CNTNAP2: variants seen among roughly 807,000 people sequenced by gnomAD.
The protein encoded by CNTNAP2 is contactin-associated protein-like 2.
CNTNAP2 carries 98 observed loss-of-function variants against 155.2 expected under a neutral mutation model. The observed-to-expected ratio is 0.63, with a 90% CI of 0.54 to 0.75. CNTNAP2 has a LOEUF of 0.75. Ranked by LOEUF, CNTNAP2 falls within the 30% of genes least tolerant of loss-of-function variation. CNTNAP2 has a pLI of 0.00. For synonymous variants in CNTNAP2, 651 were observed against 631.2 expected (o/e 1.03, Z -0.47); for missense variants, 1,727 against 1,688.1 (o/e 1.02, Z -0.40).
chr7:147,536,713 C>G (rs557167556), intron 11 of CNTNAP2, among the ~76,000 whole-genome samples: 2 of 152,282 alleles, frequency 1.3e-5, no homozygotes, highest in East Asian at 3.9e-4. Flanking sequence ...GCAGCGTTCT[C>G]TGACTTCCTA....
intron 1 of CNTNAP2, among the ~76,000 whole-genome samples, chr7:146,391,753 G>A (rs547120221): frequency 9.5e-6 from 1 of 105,326 alleles, no homozygotes; most frequent in African/African-American, 5.2e-5. Flanking sequence ...CACGGTTTTT[G>A]TTGTTGTTGT....
intron 1 of CNTNAP2, among the ~76,000 whole-genome samples, chr7:146,568,247 A>G (rs1379513594): frequency 2.6e-5 from 4 of 152,202 alleles, no homozygotes; most frequent in Non-Finnish European, 5.9e-5. Context: ...TACGTAATCT[A>G]CTATTAAAAG....
At chr7:146,879,396 A>G (rs1249190727) in intron 3 of CNTNAP2, among the ~76,000 whole-genome samples, 1 of 152,238 alleles carries the variant, frequency 6.6e-6, no homozygotes, top group African/African-American at 2.4e-5. Context: ...TTAATGTTAC[A>G]TTTGATAAGC....
rs188241244 is a variant in CNTNAP2 at position 148,313,474 on chromosome 7, G to A, written c.3475+46348G>A. On this transcript the variant is annotated intron_variant, in intron 21 of 23. Coordinates refer to ENST00000361727, the MANE Select transcript of CNTNAP2 (RefSeq NM_014141.6). ...GGCTTAGGAGGAATCCTGGGCTGCG[G>A]GCATTCCTTGGCCCAGTGGCCAGAT... Among the ~76,000 whole-genome samples, 27 of 152,180 alleles carry A rather than the reference G, an allele frequency of 1.8e-4. No individual in the cohort carries two copies. In the East Asian group the frequency reaches 4.8e-3, roughly 27 times the overall value.
At chr7:147,788,227 C>T (rs1469312607) in intron 13 of CNTNAP2, among the ~76,000 whole-genome samples, 1 of 152,176 alleles carries the variant, frequency 6.6e-6, no homozygotes, top group Non-Finnish European at 1.5e-5. Flanking sequence ...GTATAGATTG[C>T]TCTCAAGTTG....
At chr7:147,314,135 A>G (rs1398303591) in intron 9 of CNTNAP2, among the ~76,000 whole-genome samples, 3 of 152,128 alleles carry the variant, frequency 2.0e-5, no homozygotes, top group African/African-American at 7.2e-5. Flanking sequence ...CTTTGCTGAG[A>G]TAAGAAATTT....
chr7:148,104,412 TA>T (rs1804167069), intron 15 of CNTNAP2, among the ~76,000 whole-genome samples: 1 of 152,210 alleles, frequency 6.6e-6, no homozygotes, highest in African/African-American at 2.4e-5. Context: ...GGATTTGATA[TA>T]AAACCTGTTT....
intron 15 of CNTNAP2, among the ~76,000 whole-genome samples, chr7:148,083,613 T>C (rs1017857758): frequency 1.3e-5 from 2 of 152,188 alleles, no homozygotes; most frequent in Admixed American, 6.5e-5. Flanking sequence ...CTGCATACCT[T>C]TCCTTTTATG....
Position 147,407,034 on chromosome 7 carries a change from T to C in CNTNAP2, c.1670+11254T>C, listed in dbSNP as rs561498455. ...ACAGGCTTCATCAACAAGAAACTTATCTTCATGAACACACTTCAGTGAAGA... is the reference window on the plus strand; with the variant it reads ...ACAGGCTTCATCAACAAGAAACTTACCTTCATGAACACACTTCAGTGAAGA... On this transcript the variant is annotated intron_variant, in intron 10 of 23. Coordinates refer to ENST00000361727, the MANE Select transcript of CNTNAP2 (RefSeq NM_014141.6). Among the ~76,000 whole-genome samples the C allele has an allele frequency of 4.6e-5, 7 of 152,340 alleles. No homozygotes were observed. The East Asian group carries it at 7.7e-4, about 17-fold the overall frequency.
chr7:147,608,865 A>G (rs1046760810), intron 12 of CNTNAP2, among the ~76,000 whole-genome samples: 57 of 152,160 alleles, frequency 3.7e-4, no homozygotes, highest in African/African-American at 1.3e-3. Flanking sequence ...TAGGTAGTGG[A>G]AAATTACAGT....
Position 147,121,013 on chromosome 7 carries a change from A to C in CNTNAP2, c.789A>C (p.Thr263=). The part of the protein sequence containing the change: ...SNQLGPIYGH[T]SVMTGSLLDD... ...AGCTTGGCCCCATATATGGCCACACATCAGTGATGACAGGAAGTTTGCTGG... is the reference window on the plus strand; with the variant it reads ...AGCTTGGCCCCATATATGGCCACACCTCAGTGATGACAGGAAGTTTGCTGG... The change falls in exon 6 of 24, where the codon ACA becomes ACC. Residue 263 remains threonine (T), a synonymous_variant. Coordinates refer to ENST00000361727, the MANE Select transcript of CNTNAP2 (RefSeq NM_014141.6). 3.7e-6 allele frequency: 6 copies of C among 1,613,938 alleles called. No individual in the cohort carries two copies. Among genetic ancestry groups the C allele is most frequent in the Non-Finnish European group, 5.1e-6 (6 of 1,179,992 alleles).
intron 1 of CNTNAP2, among the ~76,000 whole-genome samples, chr7:146,325,869 TATG>T (rs1322024164): frequency 6.6e-6 from 1 of 152,174 alleles, no homozygotes; most frequent in African/African-American, 2.4e-5. Flanking sequence ...TATGACATGA[TATG>T]ATGACATCAG....
chr7:147,203,998 A>C (rs1802972087), intron 8 of CNTNAP2, among the ~76,000 whole-genome samples: 1 of 152,108 alleles, frequency 6.6e-6, no homozygotes, highest in African/African-American at 2.4e-5. Context: ...TAGAAAATTA[A>C]AAAGAAAGGT....
intron 9 of CNTNAP2, among the ~76,000 whole-genome samples, chr7:147,353,223 C>T (rs371310825): frequency 7.9e-5 from 12 of 151,198 alleles, no homozygotes; most frequent in Admixed American, 2.0e-4. Context: ...TAGGTATACA[C>T]GTGCCATGGT....
chr7:148,379,661 T>C lies in CNTNAP2; in HGVS notation c.3476-3988T>C, dbSNP rs867694972. On this transcript the variant is annotated intron_variant, in intron 21 of 23. Coordinates refer to ENST00000361727, the MANE Select transcript of CNTNAP2 (RefSeq NM_014141.6). ...CCGGGAGGTTGAGGCTGCAGTGAGC[T>C]GAGATTGTGCCTTGCACTCCAGCCT... Among the ~76,000 whole-genome samples, 11 of 152,260 alleles carry C rather than the reference T, an allele frequency of 7.2e-5. No individual in the cohort carries two copies. In the South Asian group the frequency reaches 1.9e-3, roughly 26 times the overall value.
At chr7:147,150,601 GA>G (rs1801805712) in intron 8 of CNTNAP2, among the ~76,000 whole-genome samples, 1 of 152,102 alleles carries the variant, frequency 6.6e-6, no homozygotes, top group African/African-American at 2.4e-5. Flanking sequence ...GCTTAGACAG[GA>G]AAGATACTAA....
At chr7:146,413,895 A>T (rs1795901218) in intron 1 of CNTNAP2, among the ~76,000 whole-genome samples, 1 of 152,140 alleles carries the variant, frequency 6.6e-6, no homozygotes, top group Non-Finnish European at 1.5e-5. Flanking sequence ...AGCTGTGTTC[A>T]TCCACTCCTC....
At chr7:148,109,273 G>C (rs193143332) in intron 15 of CNTNAP2, among the ~76,000 whole-genome samples, 1 of 152,284 alleles carries the variant, frequency 6.6e-6, no homozygotes, top group East Asian at 1.9e-4. Context: ...CTGTTATTCT[G>C]TTCCTGGACC....
At chr7:147,705,173 CT>C (rs35358713) in intron 13 of CNTNAP2, among the ~76,000 whole-genome samples, 147,025 of 151,984 alleles carry the variant, frequency 0.97, 71,152 homozygotes, top group East Asian at 1. Context: ...AATCTTTCTA[CT>C]TTTTTTTGAC....
Sources: allele counts gnomAD v4.1 joint callset (sites outside exome capture counted in the v4.1 genomes callset), GRCh38; gene constraint gnomAD v4.1.1; transcripts MANE v1.5; gene names NCBI Gene and HGNC (gene_info 2026-07-23, HGNC 2026-07-21).